RAP1GAP: variants seen among roughly 807,000 people sequenced by gnomAD.
RAP1GAP encodes the protein RAP1 GTPase activating protein, also known as rap1 GTPase-activating protein 1.
Under a neutral mutation model 87.2 loss-of-function variants are expected in RAP1GAP, and 35 were observed. The ratio of observed to expected loss-of-function variants is 0.40; its 90% CI spans 0.31 to 0.53. The LOEUF (loss-of-function observed/expected upper bound fraction) is 0.53. Ranked by LOEUF, RAP1GAP falls within the 20% of genes least tolerant of loss-of-function variation. The probability of loss-of-function intolerance (pLI) is 0.48; values close to 1 mark genes in which losing one functional copy is unlikely to be tolerated. For missense variants in RAP1GAP, 734 were observed against 898.9 expected (o/e 0.82, Z 2.35); for synonymous variants, 375 against 363.9 (o/e 1.03, Z -0.35).
At chr1:21,656,390 G>A (rs2096858317) in intron 1 of RAP1GAP, among the ~76,000 whole-genome samples, 1 of 137,468 alleles carries the variant, frequency 7.3e-6, no homozygotes, top group Admixed American at 8.1e-5. Flanking sequence ...CTGCACTGCA[G>A]CCTGGGTGAC....
At chr1:21,639,700 C>G (rs1366133614) in intron 2 of RAP1GAP, among the ~76,000 whole-genome samples, 1 of 152,258 alleles carries the variant, frequency 6.6e-6, no homozygotes, top group African/African-American at 2.4e-5. Context: ...CACATCTGTG[C>G]GGATGTGGAG....
In RAP1GAP at chr1:21,617,324, C is replaced by T; in HGVS notation, c.273G>A (p.Arg91=). 1 of 1,582,192 alleles carries T rather than the reference C, an allele frequency of 6.3e-7. No homozygotes were observed. The highest frequency in any genetic ancestry group is 1.3e-5 in the African/African-American group (1 of 74,656). ...CACCCACCTTGCCGAGAAAGTGCTTCCGGTAGATGCGGGCTGTGGGGTTGC... is the reference window on the plus strand; with the variant it reads ...CACCCACCTTGCCGAGAAAGTGCTTTCGGTAGATGCGGGCTGTGGGGTTGC... ...LECNPTARIY[R]KHFLGKEHFN... is the part of the protein sequence containing the mutation. Residue 91 remains arginine (R), a synonymous_variant, in exon 7 of 25, where the codon CGG becomes CGA. Transcript: ENST00000374765.
chr1:21,651,697 G>A (rs977406456), intron 1 of RAP1GAP: 65 of 1,360,604 alleles, frequency 4.8e-5, no homozygotes, highest in African/African-American at 5.8e-5. Flanking sequence ...CCAAACGCGA[G>A]CACACCCCGC....
chr1:21,613,077 C>G lies in RAP1GAP; in HGVS notation c.528+99G>C, dbSNP rs545622985. Reference sequence around the variant, plus strand: ...TTATTGTGAGGATTAAATGAGAGAACCTTGGGAAAGTATCTGGCACACAGA... The same window carrying G: ...TTATTGTGAGGATTAAATGAGAGAAGCTTGGGAAAGTATCTGGCACACAGA... On this transcript the variant is annotated intron_variant, in intron 10 of 24. Transcript: ENST00000374765. The surrounding 1 kb of genome is among the most constrained non-coding windows in gnomAD (Gnocchi z 4.7). 40 of 1,296,734 alleles carry G rather than the reference C, an allele frequency of 3.1e-5. No homozygotes were observed. In the South Asian group the frequency reaches 4.4e-4, roughly 14 times the overall value. 80.3% of individuals were successfully genotyped at this position (1,296,734 alleles called of 1,614,324 possible).
At chr1:21,628,268 G>A (rs985281843) in intron 2 of RAP1GAP, among the ~76,000 whole-genome samples, 1 of 151,836 alleles carries the variant, frequency 6.6e-6, no homozygotes, top group Middle Eastern at 3.4e-3. Context: ...ATAGTTACCG[G>A]CAGGCTGGGC....
At chr1:21,628,861 C>T (rs2093074981) in intron 2 of RAP1GAP, among the ~76,000 whole-genome samples, 1 of 150,720 alleles carries the variant, frequency 6.6e-6, no homozygotes, top group Non-Finnish European at 1.5e-5. Context: ...GCACTCCAGC[C>T]TGGGCTCCAG....
chr1:21,667,400 C>T (rs947351706), intron 1 of RAP1GAP, among the ~76,000 whole-genome samples: 1 of 152,198 alleles, frequency 6.6e-6, no homozygotes, highest in African/African-American at 2.4e-5. Flanking sequence ...TCCTGAGACC[C>T]CTGCCAGGCA....
At chr1:21,611,881 C>T (rs560376714) in intron 11 of RAP1GAP, 65 bp from the exon 12 acceptor site, 4 of 1,540,606 alleles carry the variant, frequency 2.6e-6, no homozygotes, top group East Asian at 2.2e-5. Flanking sequence ...TCTGTCCCTA[C>T]TTGGACCCAG....
chr1:21,634,628 C>G lies in RAP1GAP; in HGVS notation c.-112-8231G>C. On this transcript the variant is annotated intron_variant, in intron 2 of 24. Coordinates refer to ENST00000374765, the MANE Select transcript of RAP1GAP (RefSeq NM_002885.4). This position sits in a 1 kb window ranked among gnomAD's most constrained non-coding sequence, Gnocchi z 4.1. ...CCCTCGCCCCATGCTGGCTGCATGCCGAGACACCCGGATCCCGGAGCTGGG... is the reference window on the plus strand; with the variant it reads ...CCCTCGCCCCATGCTGGCTGCATGCGGAGACACCCGGATCCCGGAGCTGGG... The G allele has an allele frequency of 4.6e-6, 1 of 218,742 alleles. No homozygotes were observed. Among genetic ancestry groups the G allele is most frequent in the Admixed American group, 4.6e-5 (1 of 21,864 alleles). The allele number at this position is 218,742 out of a possible 1,614,324, so 13.6% of individuals were successfully genotyped here. A position where few individuals can be genotyped will look rare whatever the true frequency, so the allele number is the denominator to read the frequency against.
intron 2 of RAP1GAP, among the ~76,000 whole-genome samples, chr1:21,646,573 C>A (rs1426026140): frequency 6.6e-6 from 1 of 152,240 alleles, no homozygotes; most frequent in Non-Finnish European, 1.5e-5. Flanking sequence ...TTAATCCTTT[C>A]TGGGTTCTGC....
At position 21,649,751 on chromosome 1, in the gene RAP1GAP, C is replaced by A; in HGVS notation, c.-113+10G>T. The A allele has an allele frequency of 6.4e-7, 1 of 1,552,268 alleles. No individual in the cohort carries two copies. The highest frequency in any genetic ancestry group is 8.7e-7 in the Non-Finnish European group (1 of 1,147,360). On this transcript the variant is annotated intron_variant, in intron 2 of 24. Coordinates refer to ENST00000374765, the MANE Select transcript of RAP1GAP (RefSeq NM_002885.4). ...AAACCCAGGCCCTCCTGAGAGTCCC[C>A]AGTACTCACCACACACTCCGGCGAG... is the stretch of plus-strand genomic sequence containing the variant.
chr1:21,604,917 ATGGGTGGATGGG>A (rs551074116), intron 18 of RAP1GAP, among the ~76,000 whole-genome samples: 11,975 of 87,876 alleles, frequency 0.14, 877 homozygotes, highest in Middle Eastern at 0.31. Context: ...GGATGGATTG[ATGGGTGGATGGG>A]TGGGTGGATG....
chr1:21,600,057 G>C (rs931778074), intron 20 of RAP1GAP, among the ~76,000 whole-genome samples: 1 of 152,134 alleles, frequency 6.6e-6, no homozygotes, highest in African/African-American at 2.4e-5. Context: ...GCACAGAGGG[G>C]ACAGGCACAC....
Position 21,609,626 on chromosome 1 carries a change from A to C in RAP1GAP, c.1020T>G (p.Asp340Glu), listed in dbSNP as rs2076985428. The change falls in exon 15 of 25, where the codon GAT (aspartate) becomes GAG (glutamate). Residue 340 changes from aspartate (D) to glutamate (E), a missense_variant. Asp to Glu is a conservative substitution (Grantham distance 45, BLOSUM62 2). Transcript: ENST00000374765. The surrounding 1 kb of genome is among the most constrained non-coding windows in gnomAD (Gnocchi z 4.4). The part of the protein sequence containing the change: ...PLYKVSVTAR[D>E]DVPFFGPPLP... ...GGGGGGGTCCAAAGAAGGGCACATC[A>C]TCTCTTGCAGTGACAGAGACCTGGA... 1 of 1,581,236 alleles carries C rather than the reference A, an allele frequency of 6.3e-7. No individual in the cohort carries two copies. Among genetic ancestry groups the C allele is most frequent in the Non-Finnish European group, 8.6e-7 (1 of 1,164,096 alleles).
Position 21,637,333 on chromosome 1 carries a change from T to G in RAP1GAP, c.-112-10936A>C, listed in dbSNP as rs1022387521. ...CACCACATCCGGCTAATTTTTTTTTTTTGTAGAGACAGGGTTTCACCATGT... is the reference window on the plus strand; with the variant it reads ...CACCACATCCGGCTAATTTTTTTTTGTTGTAGAGACAGGGTTTCACCATGT... On this transcript the variant is annotated intron_variant, in intron 2 of 24. Transcript: ENST00000374765. 1.2e-4 allele frequency among the ~76,000 whole-genome samples: 18 copies of G among 151,614 alleles called. No homozygotes were observed. The East Asian group carries it at 3.5e-3, about 29-fold the overall frequency.
rs763967509 is a variant in RAP1GAP, at chr1:21,611,539, G to A, written c.756C>T (p.Thr252=). 5.6e-6 allele frequency: 9 copies of A among 1,614,152 alleles called. No homozygotes were observed. Among genetic ancestry groups the A allele is most frequent in the East Asian group, 4.5e-5 (2 of 44,850 alleles). The change falls in exon 13 of 25, where the codon ACC becomes ACT. Residue 252 remains threonine, a synonymous_variant. Transcript: ENST00000374765. ...GLDVTHGQTG[T]ESVYCNFRNK... is the part of the protein sequence containing the mutation. ...TGCGGAAGTTGCAGTACACAGATTCGGTCCCCGTCTGCCCGTGGGTCACGT... is the reference window on the plus strand; with the variant it reads ...TGCGGAAGTTGCAGTACACAGATTCAGTCCCCGTCTGCCCGTGGGTCACGT...
Position 21,613,079 on chromosome 1 carries a change from T to G in RAP1GAP, c.528+97A>C, listed in dbSNP as rs950703987. ...ATTGTGAGGATTAAATGAGAGAACC[T>G]TGGGAAAGTATCTGGCACACAGAAG... On this transcript the variant is annotated intron_variant, in intron 10 of 24. Transcript: ENST00000374765. This position sits in a 1 kb window ranked among gnomAD's most constrained non-coding sequence, Gnocchi z 4.7. The G allele has an allele frequency of 4.6e-6, 6 of 1,313,414 alleles. No homozygotes were observed. Among genetic ancestry groups the G allele is most frequent in the Non-Finnish European group, 6.6e-6 (6 of 915,160 alleles). 81.4% of individuals were successfully genotyped at this position (1,313,414 alleles called of 1,614,324 possible).
chr1:21,605,095 C>A (rs2073431306), intron 18 of RAP1GAP, among the ~76,000 whole-genome samples: 1 of 151,816 alleles, frequency 6.6e-6, no homozygotes, highest in African/African-American at 2.4e-5. Context: ...GTGGGGAGCA[C>A]AGCAGTGGGT....
At chr1:21,620,616 G>A (rs909563044) in intron 3 of RAP1GAP, among the ~76,000 whole-genome samples, 7 of 152,170 alleles carry the variant, frequency 4.6e-5, no homozygotes, top group Non-Finnish European at 1.0e-4. Context: ...CAGGGCACAC[G>A]CAGAGTTAAT....
Sources: gnomAD v4.1 joint callset for allele counts (sites outside exome capture counted in the v4.1 genomes callset) on GRCh38, gnomAD v4.1.1 for gene constraint, Gnocchi (gnomAD v3.1) non-coding constraint, MANE v1.5 for transcripts, NCBI Gene and HGNC (gene_info 2026-07-23, HGNC 2026-07-21) for gene names.